STAT4: variants seen among roughly 807,000 people sequenced by gnomAD.
The protein encoded by STAT4 is signal transducer and activator of transcription 4.
STAT4 carries 42 observed loss-of-function variants against 110.5 expected under a neutral mutation model. That is an observed-to-expected ratio of 0.38 (90% CI 0.30 to 0.49). The LOEUF (loss-of-function observed/expected upper bound fraction) is 0.49. Among genes scored for constraint, STAT4 ranks in the 20% least tolerant of loss-of-function variants. The pLI, the probability that STAT4 is intolerant of heterozygous loss-of-function variation, is 0.95. For missense variants in STAT4, 632 were observed against 887.9 expected (o/e 0.71, Z 3.66); for synonymous variants, 284 against 302.2 (o/e 0.94, Z 0.63).
chr2:191,131,555 T>C (rs1479446255), intron 3 of STAT4: 1 of 292,624 alleles, frequency 3.4e-6, no homozygotes, highest in Non-Finnish European at 6.2e-6. Context: ...TGTGGTAAAA[T>C]GGCAACAAAA....
chr2:191,057,897 C>A, intron 13 of STAT4, 121 bp downstream of exon 13: 2 of 922,732 alleles, frequency 2.2e-6, no homozygotes, highest in Non-Finnish European at 3.3e-6. Context: ...CGTGCCCGGC[C>A]GGTTCCTAAT....
At position 191,033,169 on chromosome 2, in the gene STAT4, A is replaced by T. The variant is rs773863547; in HGVS notation, c.1853-20T>A. 3 of 1,609,814 alleles carry T rather than the reference A, an allele frequency of 1.9e-6. No individual in the cohort carries two copies. Among genetic ancestry groups the T allele is most frequent in the Non-Finnish European group, 2.5e-6 (3 of 1,177,708 alleles). On this transcript the variant is annotated intron_variant, in intron 20 of 23. Coordinates refer to ENST00000392320, the MANE Select transcript of STAT4 (RefSeq NM_003151.4). The surrounding 1 kb of genome is among the most constrained non-coding windows in gnomAD (Gnocchi z 6.9). The stretch of plus-strand genomic sequence containing the variant: ...CTTCCCCTTGAAAAACAGAAATTGG[A>T]GAAATATACAGGTTCCTGTACACAT...
chr2:191,139,875 A>C (rs1201587685), intron 3 of STAT4, among the ~76,000 whole-genome samples: 1 of 152,238 alleles, frequency 6.6e-6, no homozygotes, highest in African/African-American at 2.4e-5. Context: ...TATAGTTACC[A>C]AAACAGCATG....
At chr2:191,057,969 T>C in intron 13 of STAT4, 49 bp downstream of exon 13, 4 of 1,442,384 alleles carry the variant, frequency 2.8e-6, no homozygotes, top group African/African-American at 1.4e-5. Flanking sequence ...AGTAAAGATG[T>C]CTGATTTTGG....
rs903392781 is a variant in STAT4, at chr2:191,062,415, AT to A, written c.941+346del. 9.2e-5 allele frequency among the ~76,000 whole-genome samples: 14 copies of A among 151,972 alleles called. No homozygotes were observed. Among genetic ancestry groups the A allele is most frequent in the African/African-American group, 3.4e-4 (14 of 41,358 alleles). On this transcript the variant is annotated intron_variant, in intron 9 of 23. Coordinates refer to ENST00000392320, the MANE Select transcript of STAT4 (RefSeq NM_003151.4). This position sits in a 1 kb window ranked among gnomAD's most constrained non-coding sequence, Gnocchi z 4.9. ...ATTAGGATTTCTGGTACATATTAGT[AT>A]TTTTTCTTTAGCTTATAAACATGAA...
chr2:191,119,333 A>C (rs1402515853), intron 3 of STAT4, among the ~76,000 whole-genome samples: 2 of 152,142 alleles, frequency 1.3e-5, no homozygotes, highest in Non-Finnish European at 2.9e-5. Flanking sequence ...GTTGTTTTAG[A>C]TATCAATTAT....
At chr2:191,096,563 T>C (rs996077556) in intron 3 of STAT4, among the ~76,000 whole-genome samples, 12 of 152,140 alleles carry the variant, frequency 7.9e-5, no homozygotes, top group African/African-American at 2.7e-4. Flanking sequence ...TTCACAAAAT[T>C]CCACAGCCCT....
In STAT4 at chr2:191,032,089, T is replaced by A. The variant is rs1390542628; in HGVS notation, c.2045-573A>T. 1 of 152,294 alleles carries A rather than the reference T, an allele frequency of 6.6e-6. No individual in the cohort carries two copies. Among genetic ancestry groups the A allele is most frequent in the Non-Finnish European group, 1.5e-5 (1 of 68,088 alleles). 9.4% of individuals were successfully genotyped at this position (152,294 alleles called of 1,614,324 possible). A position where few individuals can be genotyped will look rare whatever the true frequency, so the allele number is the denominator to read the frequency against. On this transcript the variant is annotated intron_variant, in intron 21 of 23. Coordinates refer to ENST00000392320, the MANE Select transcript of STAT4 (RefSeq NM_003151.4). The surrounding 1 kb of genome is among the most constrained non-coding windows in gnomAD (Gnocchi z 4.9). ...ATTTGTTGCATTGATATTTGTTATT[T>A]CATTTTTATCAGTTGTTGAAAGTCA...
intron 3 of STAT4, among the ~76,000 whole-genome samples, chr2:191,108,374 A>T (rs1404550946): frequency 6.6e-6 from 1 of 152,208 alleles, no homozygotes; most frequent in Non-Finnish European, 1.5e-5. Flanking sequence ...AAAAGTAAAC[A>T]TTATAACTAT....
chr2:191,087,010 C>T (rs1327127301), intron 3 of STAT4, among the ~76,000 whole-genome samples: 1 of 152,084 alleles, frequency 6.6e-6, no homozygotes, highest in Non-Finnish European at 1.5e-5. Flanking sequence ...AGACTGATTG[C>T]TCTTGACATT....
intron 5 of STAT4, among the ~76,000 whole-genome samples, chr2:191,072,228 G>A (rs1450098268): frequency 1.3e-5 from 2 of 152,182 alleles, no homozygotes; most frequent in Non-Finnish European, 2.9e-5. Context: ...ATGTGCTTAA[G>A]TATTCTTACT....
intron 3 of STAT4, among the ~76,000 whole-genome samples, chr2:191,081,264 C>T (rs1232418912): frequency 3.3e-5 from 5 of 152,072 alleles, no homozygotes; most frequent in African/African-American, 4.8e-5. Flanking sequence ...GGGTTGGTTC[C>T]AAGTCTTTGC....
rs778453112 is a variant in STAT4 at position 191,076,297 on chromosome 2, A to G, written c.302T>C (p.Val101Ala). The G allele has an allele frequency of 3.7e-6, 6 of 1,607,092 alleles. No homozygotes were observed. Among genetic ancestry groups the G allele is most frequent in the Middle Eastern group, 1.7e-4 (1 of 6,014 alleles). The change falls in exon 4 of 24, where the codon GTA (valine) becomes GCA (alanine). Residue 101 changes from valine (V) to alanine (A), a missense_variant. Physicochemically the swap from Val to Ala is moderately conservative, Grantham distance 64. This residue lies in a region of STAT4 where 488 missense variants were observed against 632.8 expected (regional missense o/e 0.77). Coordinates refer to ENST00000392320, the MANE Select transcript of STAT4 (RefSeq NM_003151.4). ...TAAACAGTTTGAAATAACCACAGCTACATGCATTGGATTTCCATGAAATTT... is the reference window on the plus strand; with the variant it reads ...TAAACAGTTTGAAATAACCACAGCTGCATGCATTGGATTTCCATGAAATTT... ...QGKFHGNPMH[V>A]AVVISNCLRE...
chr2:191,062,117 C>T lies in STAT4; in HGVS notation c.942-296G>A, dbSNP rs957496197. Reference sequence around the variant, plus strand: ...TTGCCCAGGCTGAAGTGCAGTGGCACGATCATAGCTCACTGCAGTCTCAAC... The same window carrying T: ...TTGCCCAGGCTGAAGTGCAGTGGCATGATCATAGCTCACTGCAGTCTCAAC... On this transcript the variant is annotated intron_variant, in intron 9 of 23. Transcript: ENST00000392320. This position sits in a 1 kb window ranked among gnomAD's most constrained non-coding sequence, Gnocchi z 4.9. 3.3e-5 allele frequency among the ~76,000 whole-genome samples: 5 copies of T among 152,144 alleles called. No individual in the cohort carries two copies. The highest frequency in any genetic ancestry group is 5.9e-5 in the Non-Finnish European group (4 of 68,026).
Position 191,147,963 on chromosome 2 carries a change from T to C in STAT4, c.128+113A>G, listed in dbSNP as rs1699500929. 1.4e-6 allele frequency: 2 copies of C among 1,419,182 alleles called. No homozygotes were observed. Among genetic ancestry groups the C allele is most frequent in the Middle Eastern group, 1.8e-4 (1 of 5,606 alleles). The allele number at this position is 1,419,182 out of a possible 1,614,324, so 87.9% of individuals were successfully genotyped here. A position where few individuals can be genotyped will look rare whatever the true frequency, so the allele number is the denominator to read the frequency against. ...CTTTCAAATCCTTGAGAAAGTTCTT[T>C]ACCTGAAAAGAATGCATCTACTGAG... On this transcript the variant is annotated intron_variant, in intron 2 of 23. Transcript: ENST00000392320. The surrounding 1 kb of genome is among the most constrained non-coding windows in gnomAD (Gnocchi z 4.1).
chr2:191,056,028 T>C (rs1176400751), intron 13 of STAT4, among the ~76,000 whole-genome samples: 1 of 152,226 alleles, frequency 6.6e-6, no homozygotes, highest in Non-Finnish European at 1.5e-5. Context: ...GGCAGTTTAT[T>C]TGACAGGAAG....
intron 3 of STAT4, among the ~76,000 whole-genome samples, chr2:191,085,733 G>T (rs1697617483): frequency 6.6e-6 from 1 of 152,172 alleles, no homozygotes. Context: ...CAGTGCCAAT[G>T]GAATAGAGAG....
intron 3 of STAT4, among the ~76,000 whole-genome samples, chr2:191,133,163 TA>T (rs1235045004): frequency 4.0e-5 from 6 of 150,850 alleles, no homozygotes; most frequent in Non-Finnish European, 8.9e-5. Flanking sequence ...TGAATTCAAA[TA>T]AAAATAAAAT....
rs1288631799 is a variant in STAT4 at position 191,035,785 on chromosome 2, T to C, written c.1570+379A>G. Among the ~76,000 whole-genome samples, 1 of 152,236 alleles carries C rather than the reference T, an allele frequency of 6.6e-6. No homozygotes were observed. Among genetic ancestry groups the C allele is most frequent in the African/African-American group, 2.4e-5 (1 of 41,466 alleles). On this transcript the variant is annotated intron_variant, in intron 17 of 23. Coordinates refer to ENST00000392320, the MANE Select transcript of STAT4 (RefSeq NM_003151.4). This position sits in a 1 kb window ranked among gnomAD's most constrained non-coding sequence, Gnocchi z 4.7. ...GTATGAACGATCATATGAGGCACCA[T>C]TAAGGGTTCACCTCATATTTAGTGG...
Sources: gnomAD v4.1 joint callset for allele counts (sites outside exome capture counted in the v4.1 genomes callset) on GRCh38, gnomAD v4.1.1 for gene constraint, gnomAD v4.1.1 regional missense constraint, Gnocchi (gnomAD v3.1) non-coding constraint, MANE v1.5 for transcripts, NCBI Gene and HGNC (gene_info 2026-07-23, HGNC 2026-07-21) for gene names.